PCDH9: variants seen among roughly 807,000 people sequenced by gnomAD.
The protein encoded by PCDH9 is protocadherin 9.
A neutral mutation model predicts 70.6 loss-of-function variants in PCDH9; 24 were observed. The ratio of observed to expected loss-of-function variants is 0.34; its 90% CI spans 0.25 to 0.48. PCDH9 has a LOEUF of 0.48. Ranked by LOEUF, PCDH9 falls within the 20% of genes least tolerant of loss-of-function variation. The pLI is 0.99. For missense variants in PCDH9, 1,281 were observed against 1,503.6 expected (o/e 0.85, Z 2.45); for synonymous variants, 562 against 558.5 (o/e 1.01, Z -0.09).
intron 2 of PCDH9, among the ~76,000 whole-genome samples, chr13:67,119,568 G>T (rs760930915): frequency 6.6e-6 from 1 of 152,096 alleles, no homozygotes; most frequent in African/African-American, 2.4e-5. Context: ...GAGCCAAGTG[G>T]AGATGGAAAA....
At chr13:66,691,211 A>G (rs1393889233) in intron 3 of PCDH9, among the ~76,000 whole-genome samples, 1 of 151,728 alleles carries the variant, frequency 6.6e-6, no homozygotes, top group Non-Finnish European at 1.5e-5. Context: ...TAATTTTTGT[A>G]TTTTTTAGTA....
chr13:66,853,097 A>T (rs1038139583), intron 3 of PCDH9, among the ~76,000 whole-genome samples: 5 of 151,880 alleles, frequency 3.3e-5, no homozygotes, highest in African/African-American at 1.2e-4. Flanking sequence ...TTATAATTTT[A>T]AAATCTGTAG....
At chr13:66,685,794 T>G (rs2078392956) in intron 3 of PCDH9, among the ~76,000 whole-genome samples, 1 of 152,176 alleles carries the variant, frequency 6.6e-6, no homozygotes, top group African/African-American at 2.4e-5. Flanking sequence ...TTTTGGAACT[T>G]TAATGTTTAA....
At chr13:66,998,169 T>C (rs1052963156) in intron 2 of PCDH9, among the ~76,000 whole-genome samples, 6 of 152,124 alleles carry the variant, frequency 3.9e-5, no homozygotes, top group African/African-American at 1.4e-4. Flanking sequence ...GTGGCAACAG[T>C]GTCCACAAGT....
At chr13:66,418,766 CA>C (rs1409335261) in intron 4 of PCDH9, among the ~76,000 whole-genome samples, 1 of 151,944 alleles carries the variant, frequency 6.6e-6, no homozygotes, top group Non-Finnish European at 1.5e-5. Flanking sequence ...GATAGAGACA[CA>C]AAAAGACCTT....
rs182995912 is a variant in PCDH9, at chr13:66,729,683, C to T, written c.3139-98272G>A. On this transcript the variant is annotated intron_variant, in intron 3 of 4. Transcript: ENST00000377865. ...GCAGCTTACATTGCTATTGTTGCTC[C>T]TTCTGTGTGAGAAAACTCTTTTGAC... Among the ~76,000 whole-genome samples, 329 of 152,264 alleles carry T rather than the reference C, an allele frequency of 2.2e-3. 1 individual carries two copies. Among genetic ancestry groups the T allele is most frequent in the Non-Finnish European group, 3.8e-3 (259 of 68,012 alleles).
intron 4 of PCDH9, among the ~76,000 whole-genome samples, chr13:66,591,198 G>T (rs1025863275): frequency 7.9e-5 from 12 of 151,516 alleles, no homozygotes; most frequent in African/African-American, 1.9e-4. Flanking sequence ...TTTTGTCTTT[G>T]AATAATTTTG....
intron 2 of PCDH9, among the ~76,000 whole-genome samples, chr13:67,137,719 T>A (rs1413581728): frequency 6.6e-6 from 1 of 152,126 alleles, no homozygotes; most frequent in African/African-American, 2.4e-5. Context: ...TATACAGAAA[T>A]AAAAGGAAAT....
intron 4 of PCDH9, among the ~76,000 whole-genome samples, chr13:66,482,998 G>A (rs979997722): frequency 3.9e-5 from 6 of 152,082 alleles, no homozygotes; most frequent in East Asian, 1.9e-4. Context: ...AAGCCCCACC[G>A]TGCTTTGCTT....
At chr13:66,427,605 G>A (rs1957693686) in intron 4 of PCDH9, among the ~76,000 whole-genome samples, 1 of 151,744 alleles carries the variant, frequency 6.6e-6, no homozygotes, top group Non-Finnish European at 1.5e-5. Flanking sequence ...CATCCTCACA[G>A]AATGGCTTCC....
chr13:67,000,636 A>G (rs2139819106), intron 2 of PCDH9, among the ~76,000 whole-genome samples: 1 of 152,268 alleles, frequency 6.6e-6, no homozygotes, highest in South Asian at 2.1e-4. Flanking sequence ...TTAACTATTA[A>G]AGGAATAGGT....
At chr13:66,411,853 C>T (rs1038866006) in intron 4 of PCDH9, among the ~76,000 whole-genome samples, 2 of 152,068 alleles carry the variant, frequency 1.3e-5, no homozygotes, top group African/African-American at 4.8e-5. Context: ...TATGAATGTA[C>T]CAAAGAATAT....
intron 3 of PCDH9, among the ~76,000 whole-genome samples, chr13:66,735,699 C>T (rs1204384233): frequency 1.3e-5 from 2 of 152,146 alleles, no homozygotes; most frequent in Non-Finnish European, 2.9e-5. Flanking sequence ...CACAGTGGCT[C>T]ATGCCTGCAA....
chr13:66,331,722 C>T (rs1192735411), intron 4 of PCDH9, among the ~76,000 whole-genome samples: 1 of 152,156 alleles, frequency 6.6e-6, no homozygotes, highest in Non-Finnish European at 1.5e-5. Context: ...GACAGAGTAT[C>T]CCCTTGAGGG....
At chr13:67,156,161 C>T (rs1167990464) in intron 2 of PCDH9, among the ~76,000 whole-genome samples, 1 of 152,048 alleles carries the variant, frequency 6.6e-6, no homozygotes, top group East Asian at 1.9e-4. Flanking sequence ...CTCCTGCCTG[C>T]ACGCCCAAAT....
At chr13:67,148,573 CT>C (rs1055678572) in intron 2 of PCDH9, among the ~76,000 whole-genome samples, 1 of 151,922 alleles carries the variant, frequency 6.6e-6, no homozygotes, top group Non-Finnish European at 1.5e-5. Context: ...AAGCCAACTT[CT>C]TTTTTTTAAT....
chr13:66,486,460 C>A (rs57086492), intron 4 of PCDH9, among the ~76,000 whole-genome samples: 6 of 150,540 alleles, frequency 4.0e-5, no homozygotes, highest in East Asian at 2.0e-4. Context: ...CTGTCCCCCC[C>A]CCACAAAAAA....
rs559373208 is a variant in PCDH9 at position 66,972,018 on chromosome 13, C to T, written c.3037-68413G>A. On this transcript the variant is annotated intron_variant, in intron 2 of 4. Coordinates refer to ENST00000377865, the MANE Select transcript of PCDH9 (RefSeq NM_203487.3). Reference sequence around the variant, plus strand: ...GTTGGTTTAGGTATATAACCTCCATCGAATGGAAACATTCTTAACACCAAG... The same window carrying T: ...GTTGGTTTAGGTATATAACCTCCATTGAATGGAAACATTCTTAACACCAAG... Among the ~76,000 whole-genome samples the T allele has an allele frequency of 3.3e-5, 5 of 151,894 alleles. No individual in the cohort carries two copies. In the South Asian group the frequency reaches 8.3e-4, roughly 25 times the overall value.
chr13:66,342,844 C>T (rs892256676), intron 4 of PCDH9, among the ~76,000 whole-genome samples: 1 of 151,244 alleles, frequency 6.6e-6, no homozygotes, highest in Non-Finnish European at 1.5e-5. Context: ...TGAGTTTTCA[C>T]CGTGTTGCCC....
Sources: allele counts gnomAD v4.1 joint callset (sites outside exome capture counted in the v4.1 genomes callset), GRCh38; gene constraint gnomAD v4.1.1; transcripts MANE v1.5; gene names NCBI Gene and HGNC (gene_info 2026-07-23, HGNC 2026-07-21).